Variants in CFAP70 observed in about 807,000 individuals in gnomAD.
CFAP70 encodes the protein cilia and flagella associated protein 70.
CFAP70 carries 81 observed loss-of-function variants against 137.6 expected under a neutral mutation model. The observed-to-expected ratio is 0.59, with a 90% CI of 0.49 to 0.71. CFAP70 has a LOEUF of 0.71. Ranked by LOEUF, CFAP70 falls within the 30% of genes least tolerant of loss-of-function variation. CFAP70 has a pLI of 0.00. For synonymous variants in CFAP70, 382 were observed against 423.6 expected, an observed-to-expected ratio of 0.90 and a Z score of 1.20; for missense variants, 976 against 1,226.7, an observed-to-expected ratio of 0.80 and a Z score of 3.05.
At chr10:73,317,449 C>T (rs1200056730) in intron 9 of CFAP70, among the ~76,000 whole-genome samples, 2 of 152,096 alleles carry the variant, frequency 1.3e-5, no homozygotes, top group African/African-American at 4.8e-5. Flanking sequence ...ATTGATTCTC[C>T]CCTGTAAGTG....
At chr10:73,352,785 G>A (rs2132541284) in intron 3 of CFAP70, among the ~76,000 whole-genome samples, 1 of 152,212 alleles carries the variant, frequency 6.6e-6, no homozygotes, top group South Asian at 2.1e-4. Context: ...GTACCTCTAA[G>A]TACACCTTTA....
intron 25 of CFAP70, among the ~76,000 whole-genome samples, chr10:73,262,076 T>TTATATATGTA (rs1564745037): frequency 2.1e-5 from 3 of 146,008 alleles, no homozygotes; most frequent in African/African-American, 7.6e-5. Flanking sequence ...TATGTATATA[T>TTATATATGTA]TATATATGTA....
intron 26 of CFAP70, among the ~76,000 whole-genome samples, chr10:73,254,576 C>T (rs1178631499): frequency 6.6e-6 from 1 of 152,174 alleles, no homozygotes; most frequent in African/African-American, 2.4e-5. Context: ...GCTAAAAAGC[C>T]ACATTTTCCT....
intron 1 of CFAP70, among the ~76,000 whole-genome samples, chr10:73,355,181 GTA>G (rs2054573602): frequency 6.6e-6 from 1 of 152,212 alleles, no homozygotes; most frequent in Non-Finnish European, 1.5e-5. Context: ...GAACTGGGCT[GTA>G]CAGCAGGAGG....
chr10:73,310,183 G>A lies in CFAP70; in HGVS notation c.1231C>T (p.Arg411Ter), dbSNP rs761681294. Residue 411 changes from arginine (R) to a stop codon, truncating the protein, a stop_gained, in exon 12 of 27, where the codon CGA becomes TGA. Transcript: ENST00000310715. LOFTEE classifies it high-confidence loss of function. ...CTTCTGGCTAGCTCCTCTGGCATTC[G>A]CTTTGGAACCAAGGCTTTGTCCAGC... is the stretch of plus-strand genomic sequence containing the variant. The A allele has an allele frequency of 4.3e-6, 7 of 1,612,078 alleles. No individual in the cohort carries two copies. The highest frequency in any genetic ancestry group is 1.7e-5 in the Admixed American group (1 of 59,764).
chr10:73,351,045 ATGTG>A lies in CFAP70; in HGVS notation c.250+2507_250+2510del, dbSNP rs776068868. Among the ~76,000 whole-genome samples the A allele has an allele frequency of 5.1e-3, 352 of 68,462 alleles. 9 individuals are homozygous for A. The highest frequency in any genetic ancestry group is 9.0e-3 in the African/African-American group (181 of 20,124). The allele number at this position is 68,462 out of a possible 152,430, so 44.9% of individuals were successfully genotyped here. A position where few individuals can be genotyped will look rare whatever the true frequency, so the allele number is the denominator to read the frequency against. On this transcript the variant is annotated intron_variant, in intron 3 of 26. Coordinates refer to ENST00000310715, the Ensembl canonical transcript of CFAP70. ...TATATATGTGTATATGTGTGTATATATGTGTGTGTGTGTGTGTGTGTGTGTGTAT... is the reference window on the plus strand; with the variant it reads ...TATATATGTGTATATGTGTGTATATATGTGTGTGTGTGTGTGTGTGTGTAT...
chr10:73,290,254 G>C (rs75805372), intron 19 of CFAP70, among the ~76,000 whole-genome samples: 1 of 152,044 alleles, frequency 6.6e-6, no homozygotes, highest in Non-Finnish European at 1.5e-5. Context: ...ATTATGCATA[G>C]ATAAAAAAGA....
At chr10:73,314,550 G>C (rs1333882213) in intron 9 of CFAP70, among the ~76,000 whole-genome samples, 1 of 152,048 alleles carries the variant, frequency 6.6e-6, no homozygotes, top group Non-Finnish European at 1.5e-5. Flanking sequence ...GCATGTTTTT[G>C]AGGTTCGTCC....
chr10:73,325,518 T>C (rs1434793240), intron 8 of CFAP70, among the ~76,000 whole-genome samples: 1 of 152,110 alleles, frequency 6.6e-6, no homozygotes, highest in African/African-American at 2.4e-5. Flanking sequence ...GGCTAAATGC[T>C]CCAATTAAAA....
At chr10:73,259,451 G>GCCCCTC (rs1489405301) in intron 25 of CFAP70, among the ~76,000 whole-genome samples, 22 of 151,998 alleles carry the variant, frequency 1.4e-4, no homozygotes, top group African/African-American at 5.3e-4. Flanking sequence ...TGTTCCCCAT[G>GCCCCTC]CCCCTCCCCC....
intron 18 of CFAP70, 30 bp from the exon 20 acceptor site, chr10:73,291,474 T>C (rs768399644): frequency 3.8e-6 from 6 of 1,596,510 alleles, no homozygotes; most frequent in South Asian, 1.1e-5. Context: ...GAAATACATA[T>C]GACTATTTTC....
chr10:73,285,635 CTTT>C (rs769793433), intron 19 of CFAP70, among the ~76,000 whole-genome samples: 4 of 136,894 alleles, frequency 2.9e-5, no homozygotes, highest in African/African-American at 2.7e-5. Context: ...ACTATATTTT[CTTT>C]TTTTTTTTTT....
At chr10:73,260,270 T>C (rs963972054) in intron 25 of CFAP70, among the ~76,000 whole-genome samples, 7 of 151,910 alleles carry the variant, frequency 4.6e-5, no homozygotes, top group Non-Finnish European at 1.0e-4. Flanking sequence ...GGAGGATCCC[T>C]TGAGCCCAGG....
chr10:73,329,507 TAAAC>T lies in CFAP70; in HGVS notation c.777+1666_777+1669del, dbSNP rs373017572. ...AAGTATAATAATAATAAAATAAACATAAACAAACAAACAAACAAAAAAACAGTGT... is the reference window on the plus strand; with the variant it reads ...AAGTATAATAATAATAAAATAAACATAAACAAACAAACAAAAAAACAGTGT... On this transcript the variant is annotated intron_variant, in intron 8 of 26. Transcript: ENST00000310715. Among the ~76,000 whole-genome samples, 266 of 151,698 alleles carry T rather than the reference TAAAC, an allele frequency of 1.8e-3. 6 individuals carry two copies. In the South Asian group the frequency reaches 0.038, roughly 22 times the overall value.
At chr10:73,342,609 G>GAA (rs1564874144) in intron 5 of CFAP70, among the ~76,000 whole-genome samples, 1 of 152,022 alleles carries the variant, frequency 6.6e-6, no homozygotes. Flanking sequence ...AAGTTTACTG[G>GAA]AAAAGATAAA....
chr10:73,272,816 A>G (rs752773258), intron 24 of CFAP70, 112 bp downstream of exon 25: 25 of 897,224 alleles, frequency 2.8e-5, no homozygotes, highest in African/African-American at 5.0e-5. Context: ...ATTACAGCAG[A>G]CAGCCCTGAT....
intron 9 of CFAP70, among the ~76,000 whole-genome samples, chr10:73,321,882 C>T (rs1432975429): frequency 6.6e-6 from 1 of 152,140 alleles, no homozygotes; most frequent in Non-Finnish European, 1.5e-5. Context: ...CTCCCAGGTT[C>T]AAGCAATTCT....
chr10:73,356,821 T>C (rs961058974), intron 1 of CFAP70, among the ~76,000 whole-genome samples: 2 of 152,344 alleles, frequency 1.3e-5, no homozygotes, highest in Admixed American at 1.3e-4. Flanking sequence ...TCTGCTAGAC[T>C]GTAACAAAAG....
At chr10:73,276,419 G>A (rs987969754) in intron 21 of CFAP70, 1 of 152,160 alleles carries the variant, frequency 6.6e-6, no homozygotes, top group African/African-American at 2.4e-5. Flanking sequence ...AGAGGGAACA[G>A]CTGCAGCTAT....
Sources: gnomAD v4.1 joint callset for allele counts (sites outside exome capture counted in the v4.1 genomes callset) on GRCh38, gnomAD v4.1.1 for gene constraint, MANE v1.5 for transcripts, NCBI Gene and HGNC (gene_info 2026-07-23, HGNC 2026-07-21) for gene names.